The following PLA2R1 variants were observed in gnomAD, a reference collection of about 807,000 sequenced individuals.
PLA2R1 encodes phospholipase A2 receptor 1.
PLA2R1 carries 158 observed loss-of-function variants against 195.9 expected under a neutral mutation model. The observed-to-expected ratio is 0.81, with a 90% CI of 0.71 to 0.92. The LOEUF is 0.92. Ranked by LOEUF, PLA2R1 falls within the 40% of genes least tolerant of loss-of-function variation. PLA2R1 has a pLI of 0.00. For missense variants in PLA2R1, 1,626 were observed against 1,764.6 expected (o/e 0.92, Z 1.41); for synonymous variants, 586 against 598.2 (o/e 0.98, Z 0.30).
intron 10 of PLA2R1, among the ~76,000 whole-genome samples, chr2:160,012,448 T>A (rs552792866): frequency 2.9e-4 from 44 of 152,204 alleles, no homozygotes; most frequent in Non-Finnish European, 4.7e-4. Flanking sequence ...AAGGGCACAG[T>A]CTCTGTGCCA....
rs547826138 is a variant in PLA2R1 at position 160,059,582 on chromosome 2, T to G, written c.109+2713A>C. Among the ~76,000 whole-genome samples, 6 of 152,336 alleles carry G rather than the reference T, an allele frequency of 3.9e-5. No individual in the cohort carries two copies. The East Asian group carries it at 9.6e-4, about 24-fold the overall frequency. On this transcript the variant is annotated intron_variant, in intron 1 of 29. Coordinates refer to ENST00000283243, the MANE Select transcript of PLA2R1 (RefSeq NM_007366.5). ...GATTTGAACTCAGATCGTCTAGCTC[T>G]GAAGCCCGAGAACTTAACTACTATA...
intron 1 of PLA2R1, among the ~76,000 whole-genome samples, chr2:160,047,665 T>G (rs552972828): frequency 6.6e-6 from 1 of 152,220 alleles, no homozygotes; most frequent in Non-Finnish European, 1.5e-5. Flanking sequence ...CATCTGTTGA[T>G]TTTCTGCATT....
At chr2:159,943,359 C>T (rs192705359) in intron 28 of PLA2R1, among the ~76,000 whole-genome samples, 1 of 152,148 alleles carries the variant, frequency 6.6e-6, no homozygotes, top group Non-Finnish European at 1.5e-5. Context: ...TATGAAGACA[C>T]TTCTTTTAAA....
intron 3 of PLA2R1, among the ~76,000 whole-genome samples, chr2:160,039,772 T>G (rs6432579): frequency 0.092 from 13,994 of 151,852 alleles, 1,690 homozygotes; most frequent in African/African-American, 0.27. Context: ...AGGGCTGGAA[T>G]CTGGCAGGCT....
chr2:159,995,606 G>A (rs529740934), intron 11 of PLA2R1, among the ~76,000 whole-genome samples: 5 of 152,018 alleles, frequency 3.3e-5, no homozygotes, highest in East Asian at 3.9e-4. Context: ...GAACAAGGTC[G>A]TTCTGTTGAG....
intron 1 of PLA2R1, among the ~76,000 whole-genome samples, chr2:160,050,174 A>G (rs1028610849): frequency 6.6e-6 from 1 of 152,248 alleles, no homozygotes; most frequent in Non-Finnish European, 1.5e-5. Flanking sequence ...CAAATAAGAG[A>G]AAGAAAATAA....
At chr2:159,984,804 C>G (rs1013912136) in intron 12 of PLA2R1, among the ~76,000 whole-genome samples, 1 of 152,114 alleles carries the variant, frequency 6.6e-6, no homozygotes, top group Non-Finnish European at 1.5e-5. Flanking sequence ...TCCTCTTACC[C>G]TTCTTATTTT....
chr2:159,955,382 C>CA (rs1560143514), intron 22 of PLA2R1, 36 bp from the exon 23 acceptor site: 1 of 1,342,658 alleles, frequency 7.4e-7, no homozygotes, highest in African/African-American at 1.5e-5. Flanking sequence ...AGTATGATAA[C>CA]ATATAGCATT....
chr2:160,004,037 T>C (rs11687362), intron 11 of PLA2R1, among the ~76,000 whole-genome samples: 34,090 of 152,196 alleles, frequency 0.22, 4,322 homozygotes, highest in Admixed American at 0.39. Flanking sequence ...ATGCAATGCA[T>C]AGACAAACAC....
intron 9 of PLA2R1, 78 bp downstream of exon 9, chr2:160,016,536 T>A: frequency 1.4e-6 from 1 of 739,584 alleles, no homozygotes; most frequent in Admixed American, 2.0e-5. Context: ...AAAGAGAAAT[T>A]CACTTCAAAT....
chr2:159,928,312 C>T (rs1454482969), downstream of PLA2R1, among the ~76,000 whole-genome samples: 1 of 152,204 alleles, frequency 6.6e-6, no homozygotes, highest in Non-Finnish European at 1.5e-5. Flanking sequence ...AGACTGCCCA[C>T]ACCTATGCAC....
chr2:159,981,216 C>T (rs994822914), intron 13 of PLA2R1, among the ~76,000 whole-genome samples: 5 of 148,118 alleles, frequency 3.4e-5, no homozygotes, highest in African/African-American at 1.0e-4. Flanking sequence ...TATGTGCATA[C>T]GTGTGTGTGT....
intron 3 of PLA2R1, among the ~76,000 whole-genome samples, chr2:160,037,017 C>T (rs2105553792): frequency 6.6e-6 from 1 of 152,336 alleles, no homozygotes; most frequent in Non-Finnish European, 1.5e-5. Flanking sequence ...CACCTGACAG[C>T]TCTGCTGTCT....
intron 20 of PLA2R1, among the ~76,000 whole-genome samples, chr2:159,965,165 A>G (rs533004223): frequency 2.1e-4 from 32 of 152,280 alleles, no homozygotes; most frequent in East Asian, 1.2e-3. Context: ...ATAACCACCC[A>G]AAGTCCATAG....
intron 20 of PLA2R1, among the ~76,000 whole-genome samples, chr2:159,966,111 T>C (rs1234353568): frequency 6.6e-6 from 1 of 152,150 alleles, no homozygotes; most frequent in East Asian, 1.9e-4. Context: ...GAAATAAACA[T>C]ACAATCAATT....
chr2:159,947,352 C>T, intron 26 of PLA2R1, 67 bp downstream of exon 26: 2 of 1,332,512 alleles, frequency 1.5e-6, no homozygotes, highest in Non-Finnish European at 2.1e-6. Flanking sequence ...TAAAGAAATC[C>T]ACATTGTTTA....
rs534185891 is a variant in PLA2R1 at position 159,979,740 on chromosome 2, C to T, written c.2268+90G>A. On this transcript the variant is annotated intron_variant, in intron 14 of 29. Transcript: ENST00000283243. ...GTTTTGTCATGGGAGCTCTGGCCATCATTTCTAGGTTCTCTTGGTTGGTTT... is the reference window on the plus strand; with the variant it reads ...GTTTTGTCATGGGAGCTCTGGCCATTATTTCTAGGTTCTCTTGGTTGGTTT... 4.5e-6 allele frequency: 3 copies of T among 670,168 alleles called. No individual in the cohort carries two copies. The African/African-American group carries it at 5.6e-5, about 12-fold the overall frequency. 41.5% of individuals were successfully genotyped at this position (670,168 alleles called of 1,614,324 possible).
chr2:160,003,014 C>A (rs115066993), intron 11 of PLA2R1, among the ~76,000 whole-genome samples: 2,362 of 152,032 alleles, frequency 0.016, 36 homozygotes, highest in Non-Finnish European at 0.021. Flanking sequence ...TTCAATACCA[C>A]ACTGCTTGAA....
chr2:160,018,443 T>C (rs1419810381), intron 8 of PLA2R1, among the ~76,000 whole-genome samples: 1 of 152,164 alleles, frequency 6.6e-6, no homozygotes, highest in Non-Finnish European at 1.5e-5. Flanking sequence ...GAGACCAGCA[T>C]GGGCAACATG....
Sources: gnomAD v4.1 joint callset for allele counts (sites outside exome capture counted in the v4.1 genomes callset) on GRCh38, gnomAD v4.1.1 for gene constraint, MANE v1.5 for transcripts, NCBI Gene and HGNC (gene_info 2026-07-23, HGNC 2026-07-21) for gene names.